LARS2: variants seen among roughly 807,000 people sequenced by gnomAD.
LARS2 encodes leucyl-tRNA synthetase 2, mitochondrial.
LARS2 carries 81 observed loss-of-function variants against 116.6 expected under a neutral mutation model. That is an observed-to-expected ratio of 0.69 (90% CI 0.58 to 0.84). The LOEUF (loss-of-function observed/expected upper bound fraction) is 0.84. Ranked by LOEUF, LARS2 falls within the 40% of genes least tolerant of loss-of-function variation. The probability of loss-of-function intolerance (pLI) is 0.00; values close to 1 mark genes in which losing one functional copy is unlikely to be tolerated. For missense variants in LARS2, 968 were observed against 1,114.5 expected, an observed-to-expected ratio of 0.87 and a Z score of 1.87; for synonymous variants, 396 against 407.2, an observed-to-expected ratio of 0.97 and a Z score of 0.33.
At chr3:45,544,529 G>A (rs2125772970) in intron 21 of LARS2, among the ~76,000 whole-genome samples, 1 of 152,312 alleles carries the variant, frequency 6.6e-6, no homozygotes, top group East Asian at 1.9e-4. Context: ...GCCACGCTCT[G>A]CCCTAGAACT....
intron 6 of LARS2, among the ~76,000 whole-genome samples, chr3:45,424,594 T>G (rs1698563650): frequency 6.6e-6 from 1 of 152,230 alleles, no homozygotes; most frequent in African/African-American, 2.4e-5. Flanking sequence ...CGTTGTATTT[T>G]GATGGAGAAG....
intron 6 of LARS2, among the ~76,000 whole-genome samples, chr3:45,444,026 A>AC (rs1698965113): frequency 7.1e-6 from 1 of 140,048 alleles, no homozygotes; most frequent in Non-Finnish European, 1.5e-5. Flanking sequence ...TTTTTCTGAG[A>AC]CAGAGTCTTG....
intron 15 of LARS2, among the ~76,000 whole-genome samples, chr3:45,504,459 G>A (rs1055331992): frequency 6.6e-6 from 1 of 151,650 alleles, no homozygotes; most frequent in Non-Finnish European, 1.5e-5. Flanking sequence ...ATTAATTTAG[G>A]GTCTAAATTA....
chr3:45,415,033 A>G (rs1029379376), intron 4 of LARS2, among the ~76,000 whole-genome samples: 6 of 152,068 alleles, frequency 3.9e-5, no homozygotes, highest in Non-Finnish European at 7.4e-5. Context: ...GTGTCAAACC[A>G]TTTTTCCTGC....
rs559422330 is a variant in LARS2 at position 45,536,662 on chromosome 3, G to T, written c.2405-5167G>T. ...CTGCAGAAAATCTGTCCAGTTTCCA[G>T]TGTGCCTCTCTGGGCTTCTTGAAGC... On this transcript the variant is annotated intron_variant, in intron 20 of 21. Coordinates refer to ENST00000645846, the MANE Select transcript of LARS2 (RefSeq NM_015340.4). Among the ~76,000 whole-genome samples the T allele has an allele frequency of 2.6e-5, 4 of 152,330 alleles. No homozygotes were observed. The East Asian group carries it at 5.8e-4, about 22-fold the overall frequency.
chr3:45,451,081 C>T (rs1559473455), intron 7 of LARS2, among the ~76,000 whole-genome samples: 1 of 151,744 alleles, frequency 6.6e-6, no homozygotes, highest in Admixed American at 6.6e-5. Context: ...GTTTGGATTC[C>T]TTATATATTC....
At chr3:45,424,725 T>C (rs1041438265) in intron 6 of LARS2, among the ~76,000 whole-genome samples, 2 of 152,320 alleles carry the variant, frequency 1.3e-5, no homozygotes, top group African/African-American at 4.8e-5. Context: ...TCAGAGTGTA[T>C]CTCAGTGTCA....
intron 7 of LARS2, among the ~76,000 whole-genome samples, chr3:45,457,397 G>A (rs764014555): frequency 2.0e-5 from 3 of 152,318 alleles, no homozygotes; most frequent in African/African-American, 2.4e-5. Context: ...AAAATTTTAC[G>A]GCTAGGCCTG....
chr3:45,475,573 C>G (rs932639559), intron 9 of LARS2, among the ~76,000 whole-genome samples: 1 of 152,122 alleles, frequency 6.6e-6, no homozygotes, highest in Non-Finnish European at 1.5e-5. Context: ...GGTCTCTGGG[C>G]CTGTCAGCTA....
intron 15 of LARS2, among the ~76,000 whole-genome samples, chr3:45,511,669 C>T (rs1700292057): frequency 1.3e-5 from 2 of 151,850 alleles, no homozygotes; most frequent in Admixed American, 1.3e-4. Context: ...GCAATTCTGT[C>T]CGTTCTCGGA....
At chr3:45,420,403 C>T (rs1028908727) in intron 6 of LARS2, among the ~76,000 whole-genome samples, 2 of 152,178 alleles carry the variant, frequency 1.3e-5, no homozygotes, top group African/African-American at 2.4e-5. Flanking sequence ...ACGAAGGGCC[C>T]CTTCCAATGC....
chr3:45,509,296 T>C (rs1231806188), intron 15 of LARS2: 2 of 152,098 alleles, frequency 1.3e-5, no homozygotes, highest in Non-Finnish European at 2.9e-5. Flanking sequence ...CATACGCAAG[T>C]CTGTTCCCAA....
chr3:45,496,229 TA>T (rs1354478106), intron 13 of LARS2, 45 bp from the exon 14 acceptor site: 9 of 1,446,778 alleles, frequency 6.2e-6, no homozygotes, highest in Non-Finnish European at 8.8e-6. Context: ...AAAACTGCAT[TA>T]AAATTTAAAA....
chr3:45,484,007 T>C (rs893705015), intron 10 of LARS2: 5 of 148,870 alleles, frequency 3.4e-5, no homozygotes, highest in African/African-American at 1.2e-4. Flanking sequence ...GAGACCAGCC[T>C]GGGCAACATA....
intron 9 of LARS2, among the ~76,000 whole-genome samples, chr3:45,474,755 T>C (rs971911551): frequency 1.1e-4 from 17 of 152,084 alleles, no homozygotes; most frequent in Admixed American, 1.1e-3. Flanking sequence ...TCTTCAGGGG[T>C]CCATGAACTC....
At chr3:45,525,307 T>C (rs1017745320) in intron 20 of LARS2, among the ~76,000 whole-genome samples, 1 of 152,260 alleles carries the variant, frequency 6.6e-6, no homozygotes, top group Non-Finnish European at 1.5e-5. Flanking sequence ...TTTATCCTTT[T>C]TGATATCTAA....
intron 19 of LARS2, among the ~76,000 whole-genome samples, chr3:45,523,109 C>G (rs946485172): frequency 6.6e-6 from 1 of 151,882 alleles, no homozygotes; most frequent in Non-Finnish European, 1.5e-5. Context: ...GTTTTTTAAT[C>G]AGAAAAAATA....
At chr3:45,496,408 T>C in intron 14 of LARS2, 35 bp downstream of exon 14, 1 of 1,458,444 alleles carries the variant, frequency 6.9e-7, no homozygotes, top group Non-Finnish European at 9.6e-7. Context: ...TGAGCATTTG[T>C]CAGTGTGGCT....
intron 15 of LARS2, among the ~76,000 whole-genome samples, chr3:45,503,920 T>C (rs1700160955): frequency 6.6e-6 from 1 of 152,098 alleles, no homozygotes; most frequent in Non-Finnish European, 1.5e-5. Flanking sequence ...TTTAGGTTTC[T>C]TTTTATTTCT....
Sources: allele counts gnomAD v4.1 joint callset (sites outside exome capture counted in the v4.1 genomes callset), GRCh38; gene constraint gnomAD v4.1.1; transcripts MANE v1.5; gene names NCBI Gene and HGNC (gene_info 2026-07-23, HGNC 2026-07-21).